Variants in CRB1 observed in about 807,000 individuals in gnomAD.
The protein encoded by CRB1 is protein crumbs homolog 1.
Under a neutral mutation model 120.0 loss-of-function variants are expected in CRB1, and 83 were observed. That is an observed-to-expected ratio of 0.69 (90% CI 0.58 to 0.83). CRB1 has a LOEUF of 0.83. Among genes scored for constraint, CRB1 ranks in the 40% least tolerant of loss-of-function variants. CRB1 has a pLI of 0.00. For missense variants in CRB1, 1,699 were observed against 1,687.6 expected (o/e 1.01, Z -0.12); for synonymous variants, 625 against 612.5 (o/e 1.02, Z -0.30).
intron 2 of CRB1, among the ~76,000 whole-genome samples, chr1:197,336,173 C>T (rs1432252863): frequency 6.6e-6 from 1 of 152,184 alleles, no homozygotes; most frequent in Admixed American, 6.5e-5. Context: ...TCCAATAGTC[C>T]TCATCCATGC....
intron 1 of CRB1, among the ~76,000 whole-genome samples, chr1:197,311,698 A>AGC (rs1657530877): frequency 7.2e-6 from 1 of 138,910 alleles, no homozygotes; most frequent in South Asian, 2.5e-4. Context: ...TCATATAGTT[A>AGC]GTGTGTGTGT....
chr1:197,267,684 G>A (rs1654685739), upstream of CRB1, among the ~76,000 whole-genome samples: 1 of 152,146 alleles, frequency 6.6e-6, no homozygotes, highest in African/African-American at 2.4e-5. Flanking sequence ...TTTAAAGCAA[G>A]TGTATTTTTT....
At chr1:197,240,840 AAGTGTCCCTAT>A in the CRB1 span, among the ~76,000 whole-genome samples, 3 of 152,188 alleles carry the variant, frequency 2.0e-5, no homozygotes, top group African/African-American at 7.2e-5. Flanking sequence ...AACTGTGTAA[AAGTGTCCCTAT>A]TTCTCCACAT....
intron 1 of CRB1, among the ~76,000 whole-genome samples, chr1:197,291,700 A>T (rs1656192049): frequency 6.6e-6 from 1 of 151,880 alleles, no homozygotes; most frequent in Admixed American, 6.6e-5. Context: ...AATAGAGCAC[A>T]TTCCTGGACA....
chr1:197,257,303 A>G, the CRB1 span, among the ~76,000 whole-genome samples: 8 of 152,172 alleles, frequency 5.3e-5, no homozygotes, highest in African/African-American at 1.9e-4. Context: ...CCCGCTTTGG[A>G]GAGGGCAGAT....
At chr1:197,294,281 G>C (rs1418597943) in intron 1 of CRB1, among the ~76,000 whole-genome samples, 1 of 152,116 alleles carries the variant, frequency 6.6e-6, no homozygotes, top group Non-Finnish European at 1.5e-5. Context: ...CTCAAAAGAA[G>C]ACATTTCTGC....
chr1:197,366,789 CCAAAAGTCT>C (rs1297066560), intron 5 of CRB1, among the ~76,000 whole-genome samples: 3 of 152,056 alleles, frequency 2.0e-5, no homozygotes, highest in African/African-American at 7.2e-5. Context: ...CCCAGAGAAA[CCAAAAGTCT>C]CATTTGGTAA....
chr1:197,305,826 A>G (rs1340676999), intron 1 of CRB1, among the ~76,000 whole-genome samples: 1 of 151,716 alleles, frequency 6.6e-6, no homozygotes, highest in African/African-American at 2.4e-5. Flanking sequence ...TATATTTTAA[A>G]GAATGTAATA....
At chr1:197,394,186 C>T (rs542383573) in intron 5 of CRB1, among the ~76,000 whole-genome samples, 168 of 152,188 alleles carry the variant, frequency 1.1e-3, no homozygotes, top group African/African-American at 3.7e-3. Flanking sequence ...CTGTAGCCTA[C>T]TTATTGTAAA....
the CRB1 span, among the ~76,000 whole-genome samples, chr1:197,235,646 A>G: frequency 4.6e-5 from 7 of 152,292 alleles, no homozygotes; most frequent in South Asian, 2.1e-4. Context: ...GAGCAATCCA[A>G]CAAAAATCAG....
the CRB1 span, among the ~76,000 whole-genome samples, chr1:197,207,007 T>C: frequency 6.6e-6 from 1 of 152,210 alleles, no homozygotes; most frequent in African/African-American, 2.4e-5. Context: ...TTGTCTTTTT[T>C]AACTGCTGTT....
intron 1 of CRB1, among the ~76,000 whole-genome samples, chr1:197,315,560 A>G (rs536681048): frequency 2.7e-4 from 41 of 152,360 alleles, no homozygotes; most frequent in Non-Finnish European, 3.1e-4. Context: ...AACAACATCT[A>G]ATTTTTCCAT....
intron 1 of CRB1, among the ~76,000 whole-genome samples, chr1:197,286,471 G>A (rs903221092): frequency 6.6e-6 from 1 of 151,840 alleles, no homozygotes; most frequent in African/African-American, 2.4e-5. Flanking sequence ...TATAGGTCTT[G>A]ATAACCATAG....
chr1:197,370,427 C>T (rs556421041), intron 5 of CRB1, among the ~76,000 whole-genome samples: 11 of 152,162 alleles, frequency 7.2e-5, no homozygotes, highest in African/African-American at 2.2e-4. Flanking sequence ...ATATGATAGG[C>T]CACAAAACAA....
Position 197,328,831 on chromosome 1 carries a change from G to A in CRB1, c.480G>A (p.Gly160=). Residue 160 remains glycine (G), a synonymous_variant, in exon 2 of 12, where the codon GGG becomes GGA. Coordinates refer to ENST00000367400, the MANE Select transcript of CRB1 (RefSeq NM_201253.3). ...DECASSPCQN[G]AVCQDGIDGY... is the part of the protein sequence containing the mutation. ...GTGCTTCCAGCCCTTGCCAAAATGG[G>A]GCCGTGTGCCAGGATGGAATTGATG... 2 of 1,614,096 alleles carry A rather than the reference G, an allele frequency of 1.2e-6. No homozygotes were observed. The highest frequency in any genetic ancestry group is 1.7e-6 in the Non-Finnish European group (2 of 1,180,004).
intron 5 of CRB1, among the ~76,000 whole-genome samples, chr1:197,360,978 G>A (rs75923951): frequency 0.02 from 3,088 of 152,214 alleles, 91 homozygotes; most frequent in African/African-American, 0.067. Flanking sequence ...AATGGGTATT[G>A]CATTTGGTCA....
chr1:197,297,924 C>T (rs562356508), intron 1 of CRB1, among the ~76,000 whole-genome samples: 5 of 152,056 alleles, frequency 3.3e-5, no homozygotes, highest in East Asian at 1.9e-4. Context: ...GGACCCTGGC[C>T]AGTAGGTTCA....
the CRB1 span, among the ~76,000 whole-genome samples, chr1:197,235,015 G>A: frequency 2.6e-5 from 4 of 152,196 alleles, no homozygotes; most frequent in African/African-American, 9.7e-5. Flanking sequence ...AACTAAGATA[G>A]CAGCTCAGAG....
At chr1:197,292,748 G>T (rs948589321) in intron 1 of CRB1, among the ~76,000 whole-genome samples, 1 of 152,076 alleles carries the variant, frequency 6.6e-6, no homozygotes, top group Non-Finnish European at 1.5e-5. Flanking sequence ...ATACAAGGCT[G>T]GTTCAGCATA....
Sources: gnomAD v4.1 joint callset for allele counts (sites outside exome capture counted in the v4.1 genomes callset) on GRCh38, gnomAD v4.1.1 for gene constraint, MANE v1.5 for transcripts, NCBI Gene and HGNC (gene_info 2026-07-23, HGNC 2026-07-21) for gene names.